The following PCDHA3 variants were observed in gnomAD, a reference collection of about 807,000 sequenced individuals.
The protein encoded by PCDHA3 is protocadherin alpha 3, also known as protocadherin alpha-3.
A neutral mutation model predicts 62.2 loss-of-function variants in PCDHA3; 41 were observed. The ratio of observed to expected loss-of-function variants is 0.66; its 90% CI spans 0.51 to 0.86. The LOEUF is 0.86. Among genes scored for constraint, PCDHA3 ranks in the 40% least tolerant of loss-of-function variants. PCDHA3 has a pLI of 0.00. For synonymous variants in PCDHA3, 640 were observed against 555.4 expected (o/e 1.15, Z -2.14); for missense variants, 1,304 against 1,241.2 (o/e 1.05, Z -0.76).
At chr5:140,834,853 C>T in intron 1 of PCDHA3, 1 of 1,610,524 alleles carries the variant, frequency 6.2e-7, no homozygotes, top group Non-Finnish European at 8.5e-7. Flanking sequence ...CTAGAGGGCG[C>T]GTCCGATGCA....
Position 140,802,041 on chromosome 5 carries a change from A to G in PCDHA3, c.844A>G (p.Asn282Asp). ...GVNKDIAYSF[N>D]TDMSADILSK... ...AAATAAGGATATCGCGTATTCTTTCAATACGGACATGTCAGCAGATATTCT... is the reference window on the plus strand; with the variant it reads ...AAATAAGGATATCGCGTATTCTTTCGATACGGACATGTCAGCAGATATTCT... The change falls in exon 1 of 4, where the codon AAT becomes GAT. Residue 282 changes from asparagine (N) to aspartate (D), a missense_variant. Transcript: ENST00000522353. 6.2e-7 allele frequency: 1 copy of G among 1,614,210 alleles called. No individual in the cohort carries two copies. Among genetic ancestry groups the G allele is most frequent in the Non-Finnish European group, 8.5e-7 (1 of 1,180,042 alleles).
chr5:140,841,658 C>T lies in PCDHA3; in HGVS notation c.2394+38067C>T, dbSNP rs146047089. On this transcript the variant is annotated intron_variant, in intron 1 of 3. Transcript: ENST00000522353. Reference sequence around the variant, plus strand: ...CCACCTGGAGGTGATCGTGGACAGGCCGCTGCAGGTTTTCCATGTGGACGT... The same window carrying T: ...CCACCTGGAGGTGATCGTGGACAGGTCGCTGCAGGTTTTCCATGTGGACGT... 7.3e-3 allele frequency: 11,721 copies of T among 1,614,100 alleles called. 53 individuals are homozygous for T. Among genetic ancestry groups the T allele is most frequent in the South Asian group, 8.3e-3 (753 of 91,074 alleles).
At position 140,885,285 on chromosome 5, in the gene PCDHA3, T is replaced by G. The variant is rs146462007; in HGVS notation, c.2394+81694T>G. On this transcript the variant is annotated intron_variant, in intron 1 of 3. Transcript: ENST00000522353. ...ACTCATACATATATATATACATATA[T>G]AGAGAGAGACCTGGTAGGCTTTTTG... 7.5e-4 allele frequency among the ~76,000 whole-genome samples: 114 copies of G among 152,298 alleles called. No individual in the cohort carries two copies. In the East Asian group the frequency reaches 9.8e-3, roughly 13 times the overall value.
Position 140,802,062 on chromosome 5 carries a change from A to G in PCDHA3, c.865A>G (p.Ile289Val), listed in dbSNP as rs1554121857. 1 of 1,614,190 alleles carries G rather than the reference A, an allele frequency of 6.2e-7. No individual in the cohort carries two copies. The highest frequency in any genetic ancestry group is 8.5e-7 in the Non-Finnish European group (1 of 1,180,024). ...TTTCAATACGGACATGTCAGCAGAT[A>G]TTCTGTCAAAATTCCATTTAGATCC... ...YSFNTDMSAD[I>V]LSKFHLDPVN... The change falls in exon 1 of 4, where the codon ATT becomes GTT. Residue 289 changes from isoleucine (I) to valine (V), a missense_variant. Ile to Val is a conservative substitution (Grantham distance 29). Coordinates refer to ENST00000522353, the MANE Select transcript of PCDHA3 (RefSeq NM_018906.3).
At chr5:140,875,707 C>T in intron 1 of PCDHA3, 1 of 1,614,166 alleles carries the variant, frequency 6.2e-7, no homozygotes. Flanking sequence ...GGAGGTAAAT[C>T]TGCAGAATGG....
At position 140,876,152 on chromosome 5, in the gene PCDHA3, A is replaced by G; in HGVS notation, c.2394+72561A>G. ...AAACCAGAACTAACAGGGTCTGTCC[A>G]GATTCAAATAACCGTCCTGGATGTG... is the stretch of plus-strand genomic sequence containing the variant. On this transcript the variant is annotated intron_variant, in intron 1 of 3. Transcript: ENST00000522353. 1 of 1,613,982 alleles carries G rather than the reference A, an allele frequency of 6.2e-7. No individual in the cohort carries two copies. The highest frequency in any genetic ancestry group is 1.3e-5 in the African/African-American group (1 of 75,068).
chr5:140,970,872 T>C (rs2096439604), intron 1 of PCDHA3, among the ~76,000 whole-genome samples: 3 of 152,158 alleles, frequency 2.0e-5, no homozygotes, highest in African/African-American at 7.2e-5. Flanking sequence ...TGATTGAGAG[T>C]AGATTTTTCT....
rs144770143 is a variant in PCDHA3 at position 140,947,157 on chromosome 5, G to A, written c.2395-31792G>A. Among the ~76,000 whole-genome samples the A allele has an allele frequency of 6.6e-3, 992 of 151,208 alleles. 6 individuals are homozygous for A. The highest frequency in any genetic ancestry group is 0.022 in the African/African-American group (913 of 41,346). ...TAAAATGTATAGTTACTTCCACGGG[G>A]TAGAAAATGTGGTATATATTCATGG... On this transcript the variant is annotated intron_variant, in intron 1 of 3. Transcript: ENST00000522353.
rs782209415 is a variant in PCDHA3, at chr5:140,803,426, C to G, written c.2229C>G (p.Ser743Arg). The G allele has an allele frequency of 6.2e-7, 1 of 1,614,198 alleles. No homozygotes were observed. The highest frequency in any genetic ancestry group is 8.5e-7 in the Non-Finnish European group (1 of 1,180,044). Residue 743 changes from serine to arginine, a missense_variant, in exon 1 of 4, where the codon AGC becomes AGG. Coordinates refer to ENST00000522353, the MANE Select transcript of PCDHA3 (RefSeq NM_018906.3). Reference protein sequence around the residue: ...GPGKPTLVCSSAVGSWSYSQQ... With the variant: ...GPGKPTLVCSRAVGSWSYSQQ... ...GCAAGCCCACGCTGGTGTGCTCCAG[C>G]GCGGTGGGGAGCTGGTCATACTCGC...
At chr5:140,875,820 T>C (rs2055843364) in intron 1 of PCDHA3, 1 of 1,613,978 alleles carries the variant, frequency 6.2e-7, no homozygotes, top group African/African-American at 1.3e-5. Flanking sequence ...CGCTGCAGGT[T>C]TTCCATGTGG....
At chr5:140,994,848 T>C (rs1453646097) in intron 3 of PCDHA3, among the ~76,000 whole-genome samples, 2 of 151,686 alleles carry the variant, frequency 1.3e-5, no homozygotes, top group East Asian at 3.9e-4. Flanking sequence ...ATAAGATGAG[T>C]GCATTTGATG....
intron 1 of PCDHA3, among the ~76,000 whole-genome samples, chr5:140,963,621 T>C (rs1428734637): frequency 2.6e-5 from 4 of 152,334 alleles, no homozygotes; most frequent in African/African-American, 9.6e-5. Flanking sequence ...AGCTTAACTT[T>C]GTTGCATACG....
Position 140,819,440 on chromosome 5 carries a change from A to T in PCDHA3, c.2394+15849A>T, listed in dbSNP as rs2150104252. On this transcript the variant is annotated intron_variant, in intron 1 of 3. Coordinates refer to ENST00000522353, the MANE Select transcript of PCDHA3 (RefSeq NM_018906.3). The stretch of plus-strand genomic sequence containing the variant: ...ATATACTACACAGTTTTAAATCTAA[A>T]TTTTTTTCTCAAGGAAGAACTTCTG... 7.2e-5 allele frequency among the ~76,000 whole-genome samples: 11 copies of T among 152,254 alleles called. No homozygotes were observed. The South Asian group carries it at 2.1e-3, about 29-fold the overall frequency.
At chr5:140,950,429 T>G (rs1339598073) in intron 1 of PCDHA3, among the ~76,000 whole-genome samples, 1 of 151,896 alleles carries the variant, frequency 6.6e-6, no homozygotes, top group Admixed American at 6.6e-5. Context: ...TTCTTCCACT[T>G]AAAAAAAATG....
At chr5:140,886,554 A>G (rs2061020893) in intron 1 of PCDHA3, among the ~76,000 whole-genome samples, 1 of 152,078 alleles carries the variant, frequency 6.6e-6, no homozygotes, top group South Asian at 2.1e-4. Flanking sequence ...CCAGCTGGGC[A>G]CGGTGGCTCA....
rs143678744 is a variant in PCDHA3 at position 140,873,036 on chromosome 5, G to A, written c.2394+69445G>A. Among the ~76,000 whole-genome samples the A allele has an allele frequency of 5.4e-3, 816 of 152,264 alleles. 4 individuals carry two copies. The highest frequency in any genetic ancestry group is 0.014 in the Middle Eastern group (4 of 294). On this transcript the variant is annotated intron_variant, in intron 1 of 3. Coordinates refer to ENST00000522353, the MANE Select transcript of PCDHA3 (RefSeq NM_018906.3). ...TTTAGTTATTCTTACTACACGTAGA[G>A]TGGTGGTATTACAGACTTTCTTGAG...
In PCDHA3 at chr5:140,803,134, G is replaced by C. The variant is rs782496418; in HGVS notation, c.1937G>C (p.Arg646Pro). Reference sequence around the variant, plus strand: ...GACGAGGTGGACGCCCCGCGCCATCGCCTACTGGTGCTGGTGAAGGACCAC... The same window carrying C: ...GACGAGGTGGACGCCCCGCGCCATCCCCTACTGGTGCTGGTGAAGGACCAC... ...ALDEVDAPRH[R>P]LLVLVKDHGE... Residue 646 changes from arginine to proline, a missense_variant, in exon 1 of 4, where the codon CGC (arginine) becomes CCC (proline). Transcript: ENST00000522353. 6.2e-7 allele frequency: 1 copy of C among 1,613,684 alleles called. No individual in the cohort carries two copies. Among genetic ancestry groups the C allele is most frequent in the Non-Finnish European group, 8.5e-7 (1 of 1,179,932 alleles).
At chr5:140,883,924 G>T (rs1554180605) in intron 1 of PCDHA3, 14 of 1,613,506 alleles carry the variant, frequency 8.7e-6, no homozygotes, top group Non-Finnish European at 1.1e-5. Context: ...TGACGCTGCA[G>T]GTGTTCGTGC....
chr5:140,815,358 T>C (rs1447082855), intron 1 of PCDHA3: 3 of 152,110 alleles, frequency 2.0e-5, no homozygotes, highest in East Asian at 3.8e-4. Context: ...ATATCTTCCA[T>C]AGGTATTTTC....
Sources: gnomAD v4.1 joint callset for allele counts (sites outside exome capture counted in the v4.1 genomes callset) on GRCh38, gnomAD v4.1.1 for gene constraint, MANE v1.5 for transcripts, NCBI Gene and HGNC (gene_info 2026-07-23, HGNC 2026-07-21) for gene names.